NXN: variants seen among roughly 807,000 people sequenced by gnomAD.
The protein encoded by NXN is nucleoredoxin 1.
Under a neutral mutation model 48.6 loss-of-function variants are expected in NXN, and 16 were observed. That is an observed-to-expected ratio of 0.33 (90% CI 0.22 to 0.50). NXN has a LOEUF of 0.50. NXN is among the 20% of genes least tolerant of loss of function. The pLI, the probability that NXN is intolerant of heterozygous loss-of-function variation, is 0.98. For synonymous variants in NXN, 281 were observed against 269.6 expected (o/e 1.04, Z -0.41); for missense variants, 492 against 605.5 (o/e 0.81, Z 1.97).
chr17:915,379 G>T (rs1396459686), intron 1 of NXN, among the ~76,000 whole-genome samples: 1 of 152,150 alleles, frequency 6.6e-6, no homozygotes, highest in Non-Finnish European at 1.5e-5. Flanking sequence ...CACCTCCTGG[G>T]CTCAGACAAT....
At chr17:979,289 G>GCAGGGGTAACGGGCGTGGGGGGCGGC in intron 1 of NXN, 30 bp downstream of exon 1, 1 of 1,297,532 alleles carries the variant, frequency 7.7e-7, no homozygotes, top group South Asian at 1.3e-5. Flanking sequence ...TGGGGGGCGG[G>GCAGGGGTAACGGGCGTGGGGGGCGGC]CAGGGGCCGG....
chr17:811,815 C>G (rs886357330), intron 5 of NXN, among the ~76,000 whole-genome samples: 1 of 152,090 alleles, frequency 6.6e-6, no homozygotes, highest in African/African-American at 2.4e-5. Context: ...CCCCAGACAC[C>G]TCAACGCACT....
chr17:926,372 A>G (rs1008490018), intron 1 of NXN, among the ~76,000 whole-genome samples: 2 of 151,954 alleles, frequency 1.3e-5, no homozygotes, highest in African/African-American at 4.8e-5. Context: ...TTTTTTATAA[A>G]GACAGGGTCT....
intron 1 of NXN, among the ~76,000 whole-genome samples, chr17:851,211 C>T (rs918411975): frequency 6.6e-6 from 1 of 152,214 alleles, no homozygotes; most frequent in African/African-American, 2.4e-5. Flanking sequence ...CCGGGGGATG[C>T]GGTGGGGAGG....
rs921943004 is a variant in NXN at position 823,819 on chromosome 17, G to T, written c.479-54C>A. 13 of 1,601,954 alleles carry T rather than the reference G, an allele frequency of 8.1e-6. No homozygotes were observed. In the African/African-American group the frequency reaches 1.6e-4, roughly 20 times the overall value. ...GGCTTAGACCCTTCTTGATGACCTG[G>T]GACCCAGGAGACTTCAGAGCGGTTA... On this transcript the variant is annotated intron_variant, in intron 2 of 7. Coordinates refer to ENST00000336868, the MANE Select transcript of NXN (RefSeq NM_022463.5).
intron 1 of NXN, among the ~76,000 whole-genome samples, chr17:832,937 C>G (rs922522358): frequency 1.3e-5 from 2 of 151,908 alleles, no homozygotes; most frequent in Admixed American, 1.3e-4. Context: ...GTCCCCCAGG[C>G]TGGAGTGCAG....
At chr17:851,173 C>T (rs2067919597) in intron 1 of NXN, among the ~76,000 whole-genome samples, 1 of 152,260 alleles carries the variant, frequency 6.6e-6, no homozygotes, top group South Asian at 2.1e-4. Context: ...GTCTCCAGAC[C>T]ACCCAGAGAA....
In NXN at chr17:830,288, G is replaced by T. The variant is rs988459462; in HGVS notation, c.361-4210C>A. Reference sequence around the variant, plus strand: ...AAGAGCAGATGAGGCTGCTACCCTCGTGGGGCTCCTCCTCCAGTGGGAGAG... The same window carrying T: ...AAGAGCAGATGAGGCTGCTACCCTCTTGGGGCTCCTCCTCCAGTGGGAGAG... On this transcript the variant is annotated intron_variant, in intron 1 of 7. Coordinates refer to ENST00000336868, the MANE Select transcript of NXN (RefSeq NM_022463.5). The surrounding 1 kb of genome is among the most constrained non-coding windows in gnomAD (Gnocchi z 4.2). Among the ~76,000 whole-genome samples, 1 of 152,170 alleles carries T rather than the reference G, an allele frequency of 6.6e-6. No individual in the cohort carries two copies.
Position 956,447 on chromosome 17 carries a change from CTT to C in NXN, c.360+22870_360+22871del, listed in dbSNP as rs2069169436. ...ATTTATTTTGAGACAGAGATTCTCT[CTT>C]GTCACCCAGGCTGGAGTGCAACGGC... On this transcript the variant is annotated intron_variant, in intron 1 of 7. Coordinates refer to ENST00000336868, the MANE Select transcript of NXN (RefSeq NM_022463.5). The surrounding 1 kb of genome is among the most constrained non-coding windows in gnomAD (Gnocchi z 4.1). 5.3e-5 allele frequency among the ~76,000 whole-genome samples: 8 copies of C among 152,168 alleles called. No individual in the cohort carries two copies. The South Asian group carries it at 1.2e-3, about 24-fold the overall frequency.
intron 6 of NXN, among the ~76,000 whole-genome samples, chr17:804,546 G>A (rs141158027): frequency 1.3e-5 from 2 of 152,198 alleles, no homozygotes; most frequent in African/African-American, 2.4e-5. Context: ...AGACTGCAGG[G>A]AGCCTGGCAT....
chr17:943,790 A>G (rs573206166), intron 1 of NXN, among the ~76,000 whole-genome samples: 3 of 151,952 alleles, frequency 2.0e-5, no homozygotes, highest in South Asian at 2.1e-4. Flanking sequence ...GCGCCACTGC[A>G]CTCCAGCCTG....
chr17:915,858 C>T (rs2068683665), intron 1 of NXN, among the ~76,000 whole-genome samples: 1 of 152,208 alleles, frequency 6.6e-6, no homozygotes, highest in Non-Finnish European at 1.5e-5. Flanking sequence ...AATGGGCGGC[C>T]ACTTATGGTG....
At chr17:908,263 C>T (rs2068599311) in intron 1 of NXN, among the ~76,000 whole-genome samples, 1 of 152,112 alleles carries the variant, frequency 6.6e-6, no homozygotes, top group Non-Finnish European at 1.5e-5. Context: ...TCTAGCCGGG[C>T]ACGGTCGTTC....
At chr17:923,286 G>A (rs2068766423) in intron 1 of NXN, among the ~76,000 whole-genome samples, 1 of 152,116 alleles carries the variant, frequency 6.6e-6, no homozygotes, top group South Asian at 2.1e-4. Context: ...CCACTCCAGT[G>A]TTTCGCACAG....
chr17:928,710 C>T (rs1410550302), intron 1 of NXN, among the ~76,000 whole-genome samples: 1 of 152,078 alleles, frequency 6.6e-6, no homozygotes, highest in Non-Finnish European at 1.5e-5. Context: ...GTGGTGGGCA[C>T]CTGTAATCCC....
chr17:953,559 A>G (rs941052325), intron 1 of NXN, among the ~76,000 whole-genome samples: 2 of 152,216 alleles, frequency 1.3e-5, no homozygotes, highest in African/African-American at 2.4e-5. Flanking sequence ...TAAACCTGTT[A>G]GGATTCTCCA....
intron 4 of NXN, among the ~76,000 whole-genome samples, chr17:821,837 C>T (rs1471652137): frequency 2.0e-5 from 3 of 152,004 alleles, no homozygotes; most frequent in Admixed American, 2.0e-4. Flanking sequence ...CTCCCCCTTC[C>T]TCCCCCTTCC....
intron 1 of NXN, among the ~76,000 whole-genome samples, chr17:843,373 G>A (rs1033534379): frequency 2.6e-5 from 4 of 152,214 alleles, no homozygotes; most frequent in Non-Finnish European, 4.4e-5. Flanking sequence ...GAGCACAAAC[G>A]GCATATGGCT....
rs558477247 is a variant in NXN, at chr17:852,823, C to G, written c.361-26745G>C. Among the ~76,000 whole-genome samples, 303 of 152,110 alleles carry G rather than the reference C, an allele frequency of 2.0e-3. 3 individuals carry two copies. The highest frequency in any genetic ancestry group is 7.2e-3 in the African/African-American group (297 of 41,412). On this transcript the variant is annotated intron_variant, in intron 1 of 7. Coordinates refer to ENST00000336868, the MANE Select transcript of NXN (RefSeq NM_022463.5). ...GCAAATTGGGAAGAAAGAGCTTGACCAGAAGTGTTTAATGCAGCATTTCCT... is the reference window on the plus strand; with the variant it reads ...GCAAATTGGGAAGAAAGAGCTTGACGAGAAGTGTTTAATGCAGCATTTCCT...
Sources: allele counts gnomAD v4.1 joint callset (sites outside exome capture counted in the v4.1 genomes callset), GRCh38; gene constraint gnomAD v4.1.1; non-coding constraint Gnocchi (gnomAD v3.1); transcripts MANE v1.5; gene names NCBI Gene and HGNC (gene_info 2026-07-23, HGNC 2026-07-21).